PTK2B: variants seen among roughly 807,000 people sequenced by gnomAD.
The protein encoded by PTK2B is protein tyrosine kinase 2 beta.
Under a neutral mutation model 142.9 loss-of-function variants are expected in PTK2B, and 71 were observed. That is an observed-to-expected ratio of 0.50 (90% CI 0.41 to 0.61). The LOEUF is 0.61. Among genes scored for constraint, PTK2B ranks in the 20% least tolerant of loss-of-function variants. The probability of loss-of-function intolerance (pLI) is 0.00; values close to 1 mark genes in which losing one functional copy is unlikely to be tolerated. For missense variants in PTK2B, 1,105 were observed against 1,320.4 expected (o/e 0.84, Z 2.53); for synonymous variants, 519 against 503.4 (o/e 1.03, Z -0.42).
At chr8:27,345,796 A>G (rs1012469938) in intron 1 of PTK2B, among the ~76,000 whole-genome samples, 1 of 152,206 alleles carries the variant, frequency 6.6e-6, no homozygotes, top group Non-Finnish European at 1.5e-5. Flanking sequence ...AAGGCGAGTC[A>G]GGTGAAAATG....
chr8:27,383,834 C>T (rs1268139291), intron 1 of PTK2B, among the ~76,000 whole-genome samples: 2 of 134,460 alleles, frequency 1.5e-5, no homozygotes, highest in Admixed American at 1.6e-4. Flanking sequence ...CACAGGTGTG[C>T]ACCACCACAC....
At chr8:27,326,380 T>C (rs1302007991) in intron 1 of PTK2B, among the ~76,000 whole-genome samples, 5 of 152,068 alleles carry the variant, frequency 3.3e-5, no homozygotes, top group Non-Finnish European at 7.4e-5. Context: ...TTTGGGTGGG[T>C]GAGCGTGGAG....
At chr8:27,436,852 G>A (rs374449386) in intron 15 of PTK2B, among the ~76,000 whole-genome samples, 5 of 152,306 alleles carry the variant, frequency 3.3e-5, no homozygotes, top group East Asian at 1.9e-4. Flanking sequence ...CAGGTCACAC[G>A]GCCCCTCAGT....
At chr8:27,369,894 T>C (rs1806242413) in intron 1 of PTK2B, among the ~76,000 whole-genome samples, 1 of 151,926 alleles carries the variant, frequency 6.6e-6, no homozygotes. Context: ...GGAGAATAGC[T>C]TGAGCTCAGG....
chr8:27,367,362 C>T (rs1276569279), intron 1 of PTK2B, among the ~76,000 whole-genome samples: 2 of 152,196 alleles, frequency 1.3e-5, no homozygotes, highest in Non-Finnish European at 1.5e-5. Context: ...GAAAGTCCAT[C>T]TGGACTGGTC....
intron 2 of PTK2B, among the ~76,000 whole-genome samples, chr8:27,407,162 C>G (rs145367547): frequency 3.3e-5 from 5 of 152,034 alleles, no homozygotes; most frequent in Admixed American, 3.3e-4. Context: ...AAAGAAAGGG[C>G]CTTCTAAAGA....
At chr8:27,350,027 A>T (rs953647788) in intron 1 of PTK2B, among the ~76,000 whole-genome samples, 3 of 152,256 alleles carry the variant, frequency 2.0e-5, no homozygotes, top group African/African-American at 7.2e-5. Flanking sequence ...CAGGCTTCTC[A>T]TCCTAGCATG....
intron 1 of PTK2B, among the ~76,000 whole-genome samples, chr8:27,342,289 C>CTTTTTTTTTTTTTTTTTTTTTT (rs111449065): frequency 6.8e-6 from 1 of 146,016 alleles, no homozygotes. Flanking sequence ...TACTTTGTTC[C>CTTTTTTTTTTTTTTTTTTTTTT]TTTTTTTTTT....
intron 2 of PTK2B, among the ~76,000 whole-genome samples, chr8:27,407,952 C>G (rs1024765381): frequency 1.4e-4 from 22 of 152,182 alleles, no homozygotes; most frequent in Admixed American, 1.4e-3. Flanking sequence ...GCATCACATT[C>G]CAACATATAT....
intron 1 of PTK2B, among the ~76,000 whole-genome samples, chr8:27,330,557 G>A (rs961302529): frequency 3.9e-5 from 6 of 152,204 alleles, no homozygotes; most frequent in African/African-American, 1.4e-4. Flanking sequence ...AGAGCTGACA[G>A]GTAGGAGAAA....
At chr8:27,316,066 T>A (rs960171925) in intron 3 of PTK2B, among the ~76,000 whole-genome samples, 4 of 152,170 alleles carry the variant, frequency 2.6e-5, no homozygotes, top group African/African-American at 7.2e-5. Context: ...TCAGAGGTCC[T>A]TATTGATGTT....
intron 6 of PTK2B, 99 bp downstream of exon 6, chr8:27,430,254 A>G: frequency 1.3e-6 from 2 of 1,579,340 alleles, no homozygotes; most frequent in Non-Finnish European, 1.7e-6. Context: ...CCAGAGCCAC[A>G]TAGGGCCGTC....
chr8:27,429,334 G>A (rs768749927), intron 5 of PTK2B, among the ~76,000 whole-genome samples: 9 of 152,138 alleles, frequency 5.9e-5, no homozygotes, highest in Non-Finnish European at 1.0e-4. Context: ...AAGGATGCCC[G>A]AATTAAAGGA....
intron 2 of PTK2B, among the ~76,000 whole-genome samples, chr8:27,418,803 A>C (rs557548491): frequency 6.6e-6 from 1 of 152,126 alleles, no homozygotes; most frequent in Non-Finnish European, 1.5e-5. Flanking sequence ...CGAGGCAGGC[A>C]GATCACTTGA....
chr8:27,451,568 A>C, intron 27 of PTK2B, 59 bp downstream of exon 27: 3 of 1,612,776 alleles, frequency 1.9e-6, no homozygotes, highest in Non-Finnish European at 2.5e-6. Context: ...CAGAGCCACC[A>C]TCCTTGCCCA....
intron 1 of PTK2B, among the ~76,000 whole-genome samples, chr8:27,343,780 A>G (rs532805126): frequency 6.6e-6 from 1 of 152,232 alleles, no homozygotes; most frequent in East Asian, 1.9e-4. Flanking sequence ...CAGGTGGATC[A>G]CGAGGTCCAC....
intron 1 of PTK2B, among the ~76,000 whole-genome samples, chr8:27,340,425 C>T (rs1054968085): frequency 6.6e-6 from 1 of 152,120 alleles, no homozygotes; most frequent in African/African-American, 2.4e-5. Context: ...AGAAATGGGG[C>T]CTGTTTTGGA....
At chr8:27,405,992 G>T (rs1808691090) in intron 2 of PTK2B, among the ~76,000 whole-genome samples, 1 of 152,206 alleles carries the variant, frequency 6.6e-6, no homozygotes, top group Non-Finnish European at 1.5e-5. Context: ...CAATAGAAAT[G>T]ATTCTCTCAC....
intron 2 of PTK2B, among the ~76,000 whole-genome samples, chr8:27,402,108 A>G (rs574886259): frequency 9.2e-5 from 14 of 152,344 alleles, no homozygotes; most frequent in African/African-American, 2.6e-4. Flanking sequence ...GGGGAAGCCT[A>G]TTTTTAAACC....
Sources: allele counts gnomAD v4.1 joint callset (sites outside exome capture counted in the v4.1 genomes callset), GRCh38; gene constraint gnomAD v4.1.1; transcripts MANE v1.5; gene names NCBI Gene and HGNC (gene_info 2026-07-23, HGNC 2026-07-21).